Variants in NRTN observed in about 807,000 individuals in gnomAD.
NRTN encodes prepro-neurturin.
NRTN carries 3 observed loss-of-function variants against 7.5 expected under a neutral mutation model. The observed-to-expected ratio is 0.40, with a 90% CI of 0.18 to 1.03. NRTN has a LOEUF of 1.03. NRTN is among the 50% of genes least tolerant of loss of function. The pLI, the probability that NRTN is intolerant of heterozygous loss-of-function variation, is 0.34. For synonymous variants in NRTN, 157 were observed against 146.6 expected (o/e 1.07, Z -0.51); for missense variants, 310 against 307.0 (o/e 1.01, Z -0.07).
At chr19:5,813,101 A>G (rs1266586356) in intron 1 of NRTN, among the ~76,000 whole-genome samples, 2 of 152,124 alleles carry the variant, frequency 1.3e-5, no homozygotes, top group Non-Finnish European at 2.9e-5. Context: ...GAGGCCAGGC[A>G]TGGTGGCTCA....
chr19:5,816,180 C>G (rs1475880554), intron 1 of NRTN, among the ~76,000 whole-genome samples: 1 of 152,280 alleles, frequency 6.6e-6, no homozygotes, highest in South Asian at 2.1e-4. Flanking sequence ...GGATTATAGG[C>G]GTGAGCCACT....
chr19:5,821,712 C>T (rs948170193), intron 1 of NRTN, among the ~76,000 whole-genome samples: 1 of 152,128 alleles, frequency 6.6e-6, no homozygotes, highest in African/African-American at 2.4e-5. Flanking sequence ...GGGGGAGAAT[C>T]GACTTCCCCT....
intron 1 of NRTN, among the ~76,000 whole-genome samples, chr19:5,817,960 C>A (rs544140172): frequency 4.0e-5 from 6 of 151,716 alleles, no homozygotes; most frequent in African/African-American, 1.5e-4. Context: ...CTGCCACACC[C>A]GGCTAATTTT....
chr19:5,822,412 G>A (rs756825318), intron 1 of NRTN, among the ~76,000 whole-genome samples: 1 of 152,244 alleles, frequency 6.6e-6, no homozygotes, highest in Non-Finnish European at 1.5e-5. Context: ...CCCCACACTA[G>A]GCAGCCGGGA....
At chr19:5,818,563 T>C (rs1369719305) in intron 1 of NRTN, among the ~76,000 whole-genome samples, 1 of 152,036 alleles carries the variant, frequency 6.6e-6, no homozygotes. Context: ...CCCCTGTGTG[T>C]GTGGCCAGGA....
intron 1 of NRTN, among the ~76,000 whole-genome samples, chr19:5,807,373 G>A (rs1025332701): frequency 6.6e-6 from 1 of 152,164 alleles, no homozygotes; most frequent in Non-Finnish European, 1.5e-5. Context: ...GGCTTCCTCC[G>A]CTGATGCATC....
chr19:5,810,265 CAA>C (rs756539290), intron 1 of NRTN, among the ~76,000 whole-genome samples: 1,575 of 89,634 alleles, frequency 0.018, 32 homozygotes, highest in African/African-American at 0.056. Context: ...GACTCTGTCT[CAA>C]AAAAAAAAAA....
rs951642587 is a variant in NRTN at position 5,828,300 on chromosome 19, A to G, written c.*127A>G. 2.8e-6 allele frequency: 3 copies of G among 1,083,418 alleles called. No homozygotes were observed. Among genetic ancestry groups the G allele is most frequent in the African/African-American group, 1.7e-5 (1 of 60,540 alleles). The allele number at this position is 1,083,418 out of a possible 1,614,324, so 67.1% of individuals were successfully genotyped here. On this transcript the variant is annotated 3_prime_UTR_variant, in exon 3 of 3. Transcript: ENST00000303212. ...GCCCCGGGACTCTCGCGATAACTGT[A>G]CTGAGATAAAGTGTGGCAACTCGAG...
chr19:5,817,357 A>AAG (rs759153289), intron 1 of NRTN, among the ~76,000 whole-genome samples: 1 of 149,654 alleles, frequency 6.7e-6, no homozygotes, highest in African/African-American at 2.5e-5. Flanking sequence ...CTATCAAAGA[A>AAG]AGAGAGAGAG....
At chr19:5,825,719 T>C (rs2057043464) in intron 2 of NRTN, among the ~76,000 whole-genome samples, 2 of 152,218 alleles carry the variant, frequency 1.3e-5, no homozygotes, top group Admixed American at 1.3e-4. Context: ...GAGTGGCCAC[T>C]GACTCCCCAA....
intron 1 of NRTN, among the ~76,000 whole-genome samples, chr19:5,813,138 G>A (rs867386237): frequency 3.9e-5 from 6 of 152,084 alleles, no homozygotes; most frequent in Admixed American, 6.6e-5. Context: ...ACTTTGGGAG[G>A]CAAAGAAGGG....
At chr19:5,812,065 G>A (rs2144757654) in intron 1 of NRTN, among the ~76,000 whole-genome samples, 1 of 149,874 alleles carries the variant, frequency 6.7e-6, no homozygotes, top group Middle Eastern at 3.6e-3. Context: ...TAGAGACAGG[G>A]TTTCACCATG....
At chr19:5,825,971 A>G (rs2057044414) in intron 2 of NRTN, among the ~76,000 whole-genome samples, 1 of 152,134 alleles carries the variant, frequency 6.6e-6, no homozygotes, top group South Asian at 2.1e-4. Flanking sequence ...TGTCTCTACT[A>G]AAATTACAAA....
chr19:5,808,880 C>G (rs987359762), intron 1 of NRTN, among the ~76,000 whole-genome samples: 4 of 151,786 alleles, frequency 2.6e-5, no homozygotes, highest in African/African-American at 4.8e-5. Flanking sequence ...CTCAGCCTCC[C>G]GAGTAGCTGG....
rs1355792582 is a variant in NRTN at position 5,827,843 on chromosome 19, G to A, written c.264G>A (p.Gly88=). 2.6e-6 allele frequency: 3 copies of A among 1,169,198 alleles called. No homozygotes were observed. The highest frequency in any genetic ancestry group is 3.2e-6 in the Non-Finnish European group (3 of 951,470). 72.4% of individuals were successfully genotyped at this position (1,169,198 alleles called of 1,614,324 possible). ...CCCCAGGTCCGCGCCGTCGGGCGGG[G>A]CCCCGGCGGCGGCGCGCGCGTGCGC... ...GRPPGPRRRA[G]PRRRRARARL... The change falls in exon 3 of 3, where the codon GGG becomes GGA. Residue 88 remains glycine (G), a synonymous_variant. Transcript: ENST00000303212.
chr19:5,819,949 A>G (rs2057017683), intron 1 of NRTN, among the ~76,000 whole-genome samples: 1 of 152,116 alleles, frequency 6.6e-6, no homozygotes, highest in African/African-American at 2.4e-5. Context: ...GGGGTTGGAC[A>G]TAAAGTAGGT....
intron 1 of NRTN, among the ~76,000 whole-genome samples, chr19:5,821,407 C>T (rs1178364702): frequency 1.4e-5 from 2 of 146,680 alleles, no homozygotes; most frequent in South Asian, 2.2e-4. Context: ...CGGGTTCAAG[C>T]GATTCTCCTG....
chr19:5,822,359 G>A (rs76899991), intron 1 of NRTN, among the ~76,000 whole-genome samples: 5 of 152,166 alleles, frequency 3.3e-5, no homozygotes, highest in African/African-American at 7.2e-5. Flanking sequence ...TTCAGTGCTC[G>A]GTGTAAATGT....
Position 5,828,024 on chromosome 19 carries a change from CG to C in NRTN, c.446del (p.Arg149ProfsTer95). The C allele has an allele frequency of 7.0e-7, 1 of 1,422,100 alleles. No homozygotes were observed. The highest frequency in any genetic ancestry group is 1.5e-5 in the South Asian group (1 of 68,252). 88.1% of individuals were successfully genotyped at this position (1,422,100 alleles called of 1,614,324 possible). A position where few individuals can be genotyped will look rare whatever the true frequency, so the allele number is the denominator to read the frequency against. ...CTACGACCTCGGGCTGCGACGACTGCGCCAGCGGCGGCGCCTGCGGCGGGAG... is the reference window on the plus strand; with the variant it reads ...CTACGACCTCGGGCTGCGACGACTGCCCAGCGGCGGCGCCTGCGGCGGGAG... ...RVYDLGLRRL[R>X]QRRRLRRERV... On this transcript the variant is annotated frameshift_variant, in exon 3 of 3. Transcript: ENST00000303212. LOFTEE classifies it low-confidence loss of function (END_TRUNC).
Sources: gnomAD v4.1 joint callset for allele counts (sites outside exome capture counted in the v4.1 genomes callset) on GRCh38, gnomAD v4.1.1 for gene constraint, MANE v1.5 for transcripts, NCBI Gene and HGNC (gene_info 2026-07-23, HGNC 2026-07-21) for gene names.